MIOS: variants seen among roughly 807,000 people sequenced by gnomAD.
The protein encoded by MIOS is GATOR2 complex protein MIOS.
MIOS carries 52 observed loss-of-function variants against 96.9 expected under a neutral mutation model. The ratio of observed to expected loss-of-function variants is 0.54; its 90% CI spans 0.43 to 0.68. The LOEUF (loss-of-function observed/expected upper bound fraction) is 0.68, where lower values mean the gene tolerates loss of function less well. Ranked by LOEUF, MIOS falls within the 30% of genes least tolerant of loss-of-function variation. The pLI is 0.00. For synonymous variants in MIOS, 397 were observed against 359.5 expected (o/e 1.10, Z -1.18); for missense variants, 1,005 against 1,052.8 (o/e 0.95, Z 0.63).
At chr7:7,568,462 T>G (rs1005439951) in intron 3 of MIOS, among the ~76,000 whole-genome samples, 1 of 152,152 alleles carries the variant, frequency 6.6e-6, no homozygotes, top group Admixed American at 6.5e-5. Context: ...AGGAACTGTT[T>G]ATCCTGTATA....
Position 7,572,508 on chromosome 7 carries a change from A to G in MIOS, c.33A>G (p.Ala11=). 1 of 1,613,898 alleles carries G rather than the reference A, an allele frequency of 6.2e-7. No homozygotes were observed. Among genetic ancestry groups the G allele is most frequent in the East Asian group, 2.2e-5 (1 of 44,880 alleles). ...GTACCAAACCTGATATTTTATGGGC[A>G]CCACACCATGTTGATAGATTTGTTG... MSGTKPDILW[A]PHHVDRFVVC... The change falls in exon 4 of 13, where the codon GCA becomes GCG. Residue 11 remains alanine (A), a synonymous_variant. Transcript: ENST00000340080. This position sits in a 1 kb window ranked among gnomAD's most constrained non-coding sequence, Gnocchi z 4.8.
At chr7:7,585,965 C>A (rs1783874279) in intron 7 of MIOS, among the ~76,000 whole-genome samples, 160 bp downstream of exon 7, 1 of 151,488 alleles carries the variant, frequency 6.6e-6, no homozygotes, top group Non-Finnish European at 1.5e-5. Context: ...AGCAGCTCTT[C>A]TTGAGTGTGA....
chr7:7,607,135 T>C lies in MIOS; in HGVS notation c.*43T>C. The C allele has an allele frequency of 6.8e-7, 1 of 1,469,124 alleles. No individual in the cohort carries two copies. The highest frequency in any genetic ancestry group is 1.2e-5 in the South Asian group (1 of 84,426). 91.0% of individuals were successfully genotyped at this position (1,469,124 alleles called of 1,614,324 possible). A position where few individuals can be genotyped will look rare whatever the true frequency, so the allele number is the denominator to read the frequency against. On this transcript the variant is annotated 3_prime_UTR_variant, in exon 13 of 13. Coordinates refer to ENST00000340080, the MANE Select transcript of MIOS (RefSeq NM_019005.4). ...AGAACCCTTCAAGTGTGGAGCTTTC[T>C]AGTAGGTGTCCTTCATAGCTCAGAA...
intron 3 of MIOS, among the ~76,000 whole-genome samples, chr7:7,570,926 C>T (rs73674584): frequency 0.021 from 3,212 of 152,220 alleles, 92 homozygotes; most frequent in African/African-American, 0.073. Flanking sequence ...TTGGGGACCC[C>T]TGGTCTAAAT....
At chr7:7,584,884 T>C (rs905394975) in intron 6 of MIOS, among the ~76,000 whole-genome samples, 14 of 152,270 alleles carry the variant, frequency 9.2e-5, no homozygotes, top group African/African-American at 2.9e-4. Context: ...TAAGAACAAA[T>C]GTTTAAAAGA....
At chr7:7,592,964 C>T (rs1334353677) in intron 9 of MIOS, among the ~76,000 whole-genome samples, 1 of 152,170 alleles carries the variant, frequency 6.6e-6, no homozygotes, top group African/African-American at 2.4e-5. Flanking sequence ...ACTATTTTCC[C>T]AAGCCCTTCT....
intron 7 of MIOS, among the ~76,000 whole-genome samples, chr7:7,587,034 C>T (rs1563029557): frequency 7.2e-6 from 1 of 139,346 alleles, no homozygotes; most frequent in South Asian, 2.2e-4. Flanking sequence ...GTTTTTGAGA[C>T]AGTGTCTTGC....
intron 6 of MIOS, among the ~76,000 whole-genome samples, 187 bp from the exon 7 acceptor site, chr7:7,585,449 T>G (rs1426026950): frequency 6.6e-6 from 1 of 150,408 alleles, no homozygotes; most frequent in East Asian, 2.0e-4. Context: ...AAGTGCAACT[T>G]TATTAAGAAA....
In MIOS at chr7:7,596,479, A is replaced by G. The variant is rs1784206642; in HGVS notation, c.2401+18A>G. 6.3e-7 allele frequency: 1 copy of G among 1,598,648 alleles called. No homozygotes were observed. Among genetic ancestry groups the G allele is most frequent in the South Asian group, 1.1e-5 (1 of 90,746 alleles). On this transcript the variant is annotated intron_variant, in intron 11 of 12. Transcript: ENST00000340080. ...CTGTCCTGGTATGACATAATTTTAC[A>G]AAATACTTTTATGAACTGAAATGAT...
chr7:7,571,950 CAGT>C (rs1202443250), intron 3 of MIOS, among the ~76,000 whole-genome samples: 1 of 152,178 alleles, frequency 6.6e-6, no homozygotes, highest in Non-Finnish European at 1.5e-5. Context: ...TTCTAGTGCT[CAGT>C]AGCTACATGT....
chr7:7,597,906 C>T (rs1238927782), intron 11 of MIOS, among the ~76,000 whole-genome samples: 3 of 152,212 alleles, frequency 2.0e-5, no homozygotes, highest in East Asian at 1.9e-4. Flanking sequence ...CTCAAGCGAT[C>T]CACCTGCCTC....
chr7:7,598,867 G>T (rs906625806), intron 11 of MIOS, among the ~76,000 whole-genome samples: 1 of 151,862 alleles, frequency 6.6e-6, no homozygotes, highest in Non-Finnish European at 1.5e-5. Flanking sequence ...TAGCACTCAG[G>T]TTTATCAAAT....
Position 7,583,190 on chromosome 7 carries a change from A to G in MIOS, c.1466A>G (p.Glu489Gly). The G allele has an allele frequency of 6.2e-7, 1 of 1,614,172 alleles. No homozygotes were observed. The highest frequency in any genetic ancestry group is 1.1e-5 in the South Asian group (1 of 91,080). The change falls in exon 6 of 13, where the codon GAG becomes GGG. Residue 489 changes from glutamate (E) to glycine (G), a missense_variant. By Grantham distance (98) the Glu-to-Gly change is moderately conservative. Coordinates refer to ENST00000340080, the MANE Select transcript of MIOS (RefSeq NM_019005.4). ...KQSDIQNLNE[E>G]RILALQLCGW... The stretch of plus-strand genomic sequence containing the variant: ...AGTGATATTCAAAATTTAAATGAAG[A>G]GAGAATCTTAGCTTTACAGCTTTGT...
intron 5 of MIOS, among the ~76,000 whole-genome samples, chr7:7,574,862 G>T (rs1441208690): frequency 6.6e-6 from 1 of 151,746 alleles, no homozygotes; most frequent in East Asian, 1.9e-4. Flanking sequence ...TATTAGAATT[G>T]CAGGTTGAGT....
intron 10 of MIOS, 29 bp from the exon 11 acceptor site, chr7:7,596,228 A>C: frequency 6.3e-7 from 1 of 1,597,082 alleles, no homozygotes; most frequent in Non-Finnish European, 8.6e-7. Context: ...TTTGCATTAC[A>C]TTTATTTTTT....
At chr7:7,574,225 A>G (rs535638795) in intron 5 of MIOS, 29 bp downstream of exon 5, 81 of 1,507,876 alleles carry the variant, frequency 5.4e-5, no homozygotes, top group Admixed American at 7.2e-5. Context: ...ATTTTCTCCA[A>G]TATGTTTATA....
intron 10 of MIOS, among the ~76,000 whole-genome samples, chr7:7,595,428 T>G (rs1244134345): frequency 6.6e-6 from 1 of 152,226 alleles, no homozygotes; most frequent in Non-Finnish European, 1.5e-5. Context: ...ATTCCACTTG[T>G]GTATTAAGTT....
chr7:7,578,676 T>G (rs1246267185), intron 5 of MIOS, among the ~76,000 whole-genome samples: 1 of 152,110 alleles, frequency 6.6e-6, no homozygotes, highest in Non-Finnish European at 1.5e-5. Flanking sequence ...GAGCATAGTA[T>G]CTGATTGCTG....
At chr7:7,597,367 T>A (rs1411080169) in intron 11 of MIOS, among the ~76,000 whole-genome samples, 1 of 147,140 alleles carries the variant, frequency 6.8e-6, no homozygotes, top group African/African-American at 2.5e-5. Flanking sequence ...AAAATAATAA[T>A]AAATAAGAAA....
Sources: gnomAD v4.1 joint callset for allele counts (sites outside exome capture counted in the v4.1 genomes callset) on GRCh38, gnomAD v4.1.1 for gene constraint, Gnocchi (gnomAD v3.1) non-coding constraint, MANE v1.5 for transcripts, NCBI Gene and HGNC (gene_info 2026-07-23, HGNC 2026-07-21) for gene names.